Variants in ADAM22 observed in about 807,000 individuals in gnomAD.
ADAM22 encodes disintegrin and metalloproteinase domain-containing protein 22.
ADAM22 carries 65 observed loss-of-function variants against 144.6 expected under a neutral mutation model. The observed-to-expected ratio is 0.45, with a 90% CI of 0.37 to 0.55. The LOEUF (loss-of-function observed/expected upper bound fraction) is 0.55. Among genes scored for constraint, ADAM22 ranks in the 20% least tolerant of loss-of-function variants. ADAM22 has a pLI of 0.00. For synonymous variants in ADAM22, 391 were observed against 412.6 expected (o/e 0.95, Z 0.63); for missense variants, 974 against 1,184.9 (o/e 0.82, Z 2.61).
At position 87,965,123 on chromosome 7, in the gene ADAM22, A is replaced by G. The variant is rs28647862; in HGVS notation, c.247-13213A>G. ...ACTGGCAAACAAAAAAAAATGAAAT[A>G]TTTTTGCGGTGGTTCTTGTCGCTAG... On this transcript the variant is annotated intron_variant, in intron 2 of 31. Coordinates refer to ENST00000413139, the MANE Select transcript of ADAM22 (RefSeq NM_001324418.2). Among the ~76,000 whole-genome samples the G allele has an allele frequency of 9.3e-3, 1,415 of 152,158 alleles. 21 individuals are homozygous for G. Among genetic ancestry groups the G allele is most frequent in the African/African-American group, 0.033 (1,353 of 41,512 alleles).
intron 13 of ADAM22, among the ~76,000 whole-genome samples, chr7:88,135,399 A>C (rs931903053): frequency 2.0e-5 from 3 of 151,852 alleles, no homozygotes; most frequent in African/African-American, 4.8e-5. Flanking sequence ...AGGTAATTCT[A>C]CAGGACACCC....
At chr7:87,980,509 T>C (rs113593577) in intron 3 of ADAM22, among the ~76,000 whole-genome samples, 5,634 of 152,092 alleles carry the variant, frequency 0.037, 377 homozygotes, top group African/African-American at 0.13. Context: ...GAAGCAATTC[T>C]GGGGCTGTGG....
intron 3 of ADAM22, among the ~76,000 whole-genome samples, chr7:88,021,226 A>T (rs1797755870): frequency 6.6e-6 from 1 of 152,208 alleles, no homozygotes. Context: ...GCATAAAAGA[A>T]GTATGTGAGG....
In ADAM22 at chr7:88,199,592, CTG is replaced by C. The variant is rs1851011132; in HGVS notation, c.*3104_*3105del. ...AAATGATCCCCAGGGCACATGCAAT[CTG>C]TGGAAAGGAATACATCGGACAGTGC... On this transcript the variant is annotated 3_prime_UTR_variant, in exon 32 of 32. Coordinates refer to ENST00000413139, the MANE Select transcript of ADAM22 (RefSeq NM_001324418.2). The C allele has an allele frequency of 6.6e-6, 1 of 152,208 alleles. No individual in the cohort carries two copies. The highest frequency in any genetic ancestry group is 1.5e-5 in the Non-Finnish European group (1 of 68,060). The allele number at this position is 152,208 out of a possible 1,614,324, so 9.4% of individuals were successfully genotyped here. A position where few individuals can be genotyped will look rare whatever the true frequency, so the allele number is the denominator to read the frequency against.
At position 87,934,377 on chromosome 7, in the gene ADAM22, C is replaced by T. The variant is rs1840656962; in HGVS notation, c.-89C>T. On this transcript the variant is annotated 5_prime_UTR_variant, in exon 1 of 32. Transcript: ENST00000413139. Reference sequence around the variant, plus strand: ...GGCTGGGTGGAGGTGGCCGCGGGGACCCCGGGGGCGCGGAGCGAGGGAAAC... The same window carrying T: ...GGCTGGGTGGAGGTGGCCGCGGGGATCCCGGGGGCGCGGAGCGAGGGAAAC... 7 of 1,352,880 alleles carry T rather than the reference C, an allele frequency of 5.2e-6. No homozygotes were observed. Among genetic ancestry groups the T allele is most frequent in the East Asian group, 5.3e-5 (2 of 37,676 alleles). The allele number at this position is 1,352,880 out of a possible 1,614,324, so 83.8% of individuals were successfully genotyped here. A position where few individuals can be genotyped will look rare whatever the true frequency, so the allele number is the denominator to read the frequency against.
At chr7:88,049,651 C>G (rs577979553) in intron 3 of ADAM22, among the ~76,000 whole-genome samples, 8 of 152,278 alleles carry the variant, frequency 5.3e-5, no homozygotes, top group African/African-American at 1.9e-4. Flanking sequence ...CCCGCCTTGG[C>G]CTCCCAAAGT....
chr7:88,105,771 C>T (rs1434295824), intron 4 of ADAM22, among the ~76,000 whole-genome samples: 3 of 152,040 alleles, frequency 2.0e-5, no homozygotes, highest in Non-Finnish European at 4.4e-5. Flanking sequence ...ATTGTGGTTC[C>T]TATGTAGAAG....
chr7:87,957,382 G>A (rs1847027552), intron 2 of ADAM22, among the ~76,000 whole-genome samples: 1 of 152,082 alleles, frequency 6.6e-6, no homozygotes, highest in South Asian at 2.1e-4. Flanking sequence ...ATACAAAATG[G>A]TAGATAGAAT....
intron 2 of ADAM22, among the ~76,000 whole-genome samples, chr7:87,961,729 C>T (rs754445111): frequency 2.0e-5 from 3 of 152,104 alleles, no homozygotes; most frequent in Non-Finnish European, 4.4e-5. Flanking sequence ...TGTCTTTGAA[C>T]ATGTTAATAT....
intron 3 of ADAM22, among the ~76,000 whole-genome samples, chr7:88,032,095 T>A (rs922352401): frequency 2.6e-5 from 4 of 152,220 alleles, no homozygotes; most frequent in Non-Finnish European, 5.9e-5. Flanking sequence ...AAATGTGATG[T>A]TAGAGCCCCA....
chr7:88,179,967 A>T (rs2299208), intron 27 of ADAM22, among the ~76,000 whole-genome samples: 20,298 of 152,018 alleles, frequency 0.13, 1,970 homozygotes, highest in East Asian at 0.48. Flanking sequence ...GAAGGGGAAG[A>T]TGCTAGTTTA....
intron 2 of ADAM22, among the ~76,000 whole-genome samples, chr7:87,956,479 A>G (rs1031493918): frequency 6.6e-6 from 1 of 152,238 alleles, no homozygotes; most frequent in Admixed American, 6.5e-5. Context: ...TATAGAATTA[A>G]CCCATTTAAA....
chr7:88,127,174 A>G (rs1830620098), intron 8 of ADAM22, among the ~76,000 whole-genome samples: 1 of 151,976 alleles, frequency 6.6e-6, no homozygotes, highest in Non-Finnish European at 1.5e-5. Context: ...ATCAGGATTT[A>G]ATGTGAAACA....
chr7:88,118,726 G>T (rs1195726233), intron 7 of ADAM22, among the ~76,000 whole-genome samples: 6 of 150,382 alleles, frequency 4.0e-5, no homozygotes, highest in African/African-American at 1.5e-4. Context: ...AACTTTGATG[G>T]TGACTTGGCA....
intron 3 of ADAM22, among the ~76,000 whole-genome samples, chr7:88,075,413 T>C (rs1487538014): frequency 1.3e-5 from 2 of 152,044 alleles, no homozygotes; most frequent in Admixed American, 6.6e-5. Context: ...TGACAGGTGG[T>C]GTAGGCAGTT....
At chr7:87,969,933 G>A (rs1414077895) in intron 2 of ADAM22, among the ~76,000 whole-genome samples, 1 of 152,144 alleles carries the variant, frequency 6.6e-6, no homozygotes, top group Non-Finnish European at 1.5e-5. Context: ...AGAGTAACAT[G>A]GAGTCATAAG....
chr7:88,116,675 G>A (rs903552270), intron 6 of ADAM22, 70 bp from the exon 7 acceptor site: 26 of 1,313,316 alleles, frequency 2.0e-5, no homozygotes, highest in African/African-American at 8.7e-5. Context: ...AGGGTCTCCA[G>A]CTATGTTTGC....
intron 3 of ADAM22, among the ~76,000 whole-genome samples, chr7:87,982,925 A>G (rs1163968174): frequency 6.6e-6 from 1 of 151,302 alleles, no homozygotes; most frequent in Non-Finnish European, 1.5e-5. Flanking sequence ...TCCTGACCTC[A>G]GGTGATCCAC....
At chr7:88,116,886 T>A in intron 7 of ADAM22, 72 bp downstream of exon 7, 1 of 1,160,758 alleles carries the variant, frequency 8.6e-7, no homozygotes, top group Admixed American at 1.9e-5. Context: ...TTAGAACTAA[T>A]CTATATTTGG....
Sources: allele counts gnomAD v4.1 joint callset (sites outside exome capture counted in the v4.1 genomes callset), GRCh38; gene constraint gnomAD v4.1.1; transcripts MANE v1.5; gene names NCBI Gene and HGNC (gene_info 2026-07-23, HGNC 2026-07-21).